Variants in NDFIP2 observed in about 807,000 individuals in gnomAD.
NDFIP2 encodes NEDD4 family-interacting protein 2.
In NDFIP2, 19 loss-of-function variants were observed where a neutral mutation model predicts 36.0. The ratio of observed to expected loss-of-function variants is 0.53; its 90% CI spans 0.37 to 0.77. The LOEUF is 0.77. Among genes scored for constraint, NDFIP2 ranks in the 30% least tolerant of loss-of-function variants. The pLI is 0.00. For synonymous variants in NDFIP2, 181 were observed against 167.7 expected (o/e 1.08, Z -0.61); for missense variants, 446 against 435.8 (o/e 1.02, Z -0.21).
Position 79,520,861 on chromosome 13 carries a change from A to G in NDFIP2, c.373A>G (p.Thr125Ala), listed in dbSNP as rs773586282. The change falls in exon 2 of 8, where the codon ACT (threonine) becomes GCT (alanine). Residue 125 changes from threonine (T) to alanine (A), a missense_variant. Transcript: ENST00000218652. ...SESSAIEQPP[T>A]SNPAPQIVQA... Reference sequence around the variant, plus strand: ...ATCATCGGCTATAGAGCAGCCACCTACTTCAAACCCAGCACCGCAGATTGT... The same window carrying G: ...ATCATCGGCTATAGAGCAGCCACCTGCTTCAAACCCAGCACCGCAGATTGT... The G allele has an allele frequency of 6.2e-7, 1 of 1,614,050 alleles. No individual in the cohort carries two copies. Among genetic ancestry groups the G allele is most frequent in the Non-Finnish European group, 8.5e-7 (1 of 1,179,944 alleles).
chr13:79,530,263 A>G (rs1033697636), intron 2 of NDFIP2, among the ~76,000 whole-genome samples: 4 of 152,042 alleles, frequency 2.6e-5, no homozygotes, highest in African/African-American at 7.2e-5. Context: ...AGCTGGTACT[A>G]CAGGGACAGC....
chr13:79,513,440 A>G (rs749705140), intron 1 of NDFIP2, among the ~76,000 whole-genome samples: 3 of 152,264 alleles, frequency 2.0e-5, no homozygotes, highest in Non-Finnish European at 2.9e-5. Flanking sequence ...CTTAAAATAT[A>G]TCTAACACAT....
chr13:79,484,565 AATCTT>A (rs2079832013), intron 1 of NDFIP2, among the ~76,000 whole-genome samples: 1 of 152,218 alleles, frequency 6.6e-6, no homozygotes, highest in African/African-American at 2.4e-5. Flanking sequence ...AGCTCTTCCT[AATCTT>A]TGTTTTGTTT....
At position 79,481,455 on chromosome 13, in the gene NDFIP2, C is replaced by T. The variant is rs751761262; in HGVS notation, c.252C>T (p.Leu84=). Residue 84 remains leucine (L), a synonymous_variant, in exon 1 of 8, where the codon CTC becomes CTT. Transcript: ENST00000218652. ...AVGAEHGEDS[L]SRKPDPEPGR... ...GAGCTGAGCACGGAGAAGACTCCCT[C>T]TCTCGGAAGCCGGATCCCGAGCCGG... 9.6e-6 allele frequency: 15 copies of T among 1,562,988 alleles called. No homozygotes were observed. In the African/African-American group the frequency reaches 1.9e-4, roughly 20 times the overall value.
intron 1 of NDFIP2, among the ~76,000 whole-genome samples, chr13:79,494,294 A>T (rs973190194): frequency 6.6e-6 from 1 of 152,256 alleles, no homozygotes; most frequent in African/African-American, 2.4e-5. Context: ...TACTGTGAGC[A>T]TTAAATGTAT....
chr13:79,533,161 T>C (rs1426595143), intron 2 of NDFIP2, among the ~76,000 whole-genome samples, 162 bp from the exon 3 acceptor site: 3 of 152,188 alleles, frequency 2.0e-5, no homozygotes, highest in Non-Finnish European at 4.4e-5. Flanking sequence ...AAGTAAGATA[T>C]ATGATTGTAA....
At position 79,489,872 on chromosome 13, in the gene NDFIP2, T is replaced by C. The variant is rs1873158345; in HGVS notation, c.321+8348T>C. On this transcript the variant is annotated intron_variant, in intron 1 of 7. Transcript: ENST00000218652. ...CATTTATAACTCTAGTTTATAATTG[T>C]TTCATGAAAGCAGTTAGGTCCACCT... is the stretch of plus-strand genomic sequence containing the variant. Among the ~76,000 whole-genome samples, 3 of 152,332 alleles carry C rather than the reference T, an allele frequency of 2.0e-5. No homozygotes were observed. In the South Asian group the frequency reaches 6.2e-4, roughly 32 times the overall value.
intron 3 of NDFIP2, among the ~76,000 whole-genome samples, chr13:79,534,839 G>A (rs151247147): frequency 2.6e-5 from 4 of 152,236 alleles, no homozygotes; most frequent in African/African-American, 7.2e-5. Context: ...TGCCCTGAAT[G>A]TGTTTCTTTG....
chr13:79,509,684 T>TAGAG (rs1221392541), intron 1 of NDFIP2, among the ~76,000 whole-genome samples: 6 of 73,902 alleles, frequency 8.1e-5, no homozygotes, highest in Non-Finnish European at 1.6e-4. Context: ...TCGATATATA[T>TAGAG]ATATATAGAG....
intron 1 of NDFIP2, among the ~76,000 whole-genome samples, chr13:79,484,188 G>T (rs563943339): frequency 5.9e-5 from 9 of 151,942 alleles, no homozygotes; most frequent in Non-Finnish European, 8.8e-5. Flanking sequence ...GCTAATTTTT[G>T]TATTTTAGTA....
At chr13:79,505,943 G>A (rs1223168086) in intron 1 of NDFIP2, among the ~76,000 whole-genome samples, 1 of 152,062 alleles carries the variant, frequency 6.6e-6, no homozygotes, top group East Asian at 1.9e-4. Flanking sequence ...CTGTGTTTAT[G>A]TACTTGACTT....
At chr13:79,484,303 C>T (rs1256670368) in intron 1 of NDFIP2, among the ~76,000 whole-genome samples, 1 of 152,174 alleles carries the variant, frequency 6.6e-6, no homozygotes, top group Non-Finnish European at 1.5e-5. Flanking sequence ...GTGTGAGCCA[C>T]AGAGCCCGGC....
At chr13:79,534,865 A>G (rs957133128) in intron 3 of NDFIP2, among the ~76,000 whole-genome samples, 1 of 152,144 alleles carries the variant, frequency 6.6e-6, no homozygotes, top group African/African-American at 2.4e-5. Context: ...CAATAACCCT[A>G]TTTATGCCTG....
At chr13:79,544,238 G>A (rs1875570315) in intron 5 of NDFIP2, among the ~76,000 whole-genome samples, 1 of 152,032 alleles carries the variant, frequency 6.6e-6, no homozygotes. Context: ...CCTGTGAAGT[G>A]GTTATCAGAA....
chr13:79,526,058 G>A (rs1173137662), intron 2 of NDFIP2, among the ~76,000 whole-genome samples: 4 of 152,156 alleles, frequency 2.6e-5, no homozygotes, highest in African/African-American at 9.7e-5. Context: ...GAGAAGAGGT[G>A]GAGCTGCTAA....
At position 79,548,326 on chromosome 13, in the gene NDFIP2, A is replaced by G; in HGVS notation, c.841-2A>G. On this transcript the variant is annotated splice_acceptor_variant, in intron 5 of 7. Transcript: ENST00000218652. LOFTEE classifies it high-confidence loss of function. ...GTTAATATATTTATGTTCACTCCAT[A>G]GTTTTCTGATTATTTTACTGGATAT... 2 of 1,571,670 alleles carry G rather than the reference A, an allele frequency of 1.3e-6. No individual in the cohort carries two copies. Among genetic ancestry groups the G allele is most frequent in the Non-Finnish European group, 1.7e-6 (2 of 1,151,316 alleles).
chr13:79,482,772 C>T (rs4885634), intron 1 of NDFIP2, among the ~76,000 whole-genome samples: 105,995 of 152,106 alleles, frequency 0.7, 38,550 homozygotes, highest in African/African-American at 0.91. Flanking sequence ...GTTTGCATTC[C>T]TTAAAACCTA....
intron 1 of NDFIP2, among the ~76,000 whole-genome samples, chr13:79,508,890 A>G (rs541926774): frequency 1.5e-4 from 23 of 152,342 alleles, no homozygotes; most frequent in Admixed American, 6.5e-4. Flanking sequence ...CTTACTAGCA[A>G]TAATTCAACT....
chr13:79,514,575 T>G (rs1229797478), intron 1 of NDFIP2, among the ~76,000 whole-genome samples: 2 of 152,198 alleles, frequency 1.3e-5, no homozygotes, highest in African/African-American at 2.4e-5. Context: ...AAGGCTTTCC[T>G]CAGAACTTGA....
Sources: allele counts gnomAD v4.1 joint callset (sites outside exome capture counted in the v4.1 genomes callset), GRCh38; gene constraint gnomAD v4.1.1; transcripts MANE v1.5; gene names NCBI Gene and HGNC (gene_info 2026-07-23, HGNC 2026-07-21).